Variants in DLGAP4 observed in about 807,000 individuals in gnomAD.
DLGAP4 encodes the protein DLG associated protein 4, also known as disks large-associated protein 4.
Under a neutral mutation model 86.9 loss-of-function variants are expected in DLGAP4, and 18 were observed. The ratio of observed to expected loss-of-function variants is 0.21; its 90% CI spans 0.14 to 0.31. The LOEUF is 0.31. DLGAP4 is among the 10% of genes least tolerant of loss of function. The probability of loss-of-function intolerance (pLI) is 1.00; values close to 1 mark genes in which losing one functional copy is unlikely to be tolerated. For missense variants in DLGAP4, 1,085 were observed against 1,362.6 expected (o/e 0.80, Z 3.21); for synonymous variants, 548 against 574.3 (o/e 0.95, Z 0.65).
intron 1 of DLGAP4, among the ~76,000 whole-genome samples, chr20:36,362,842 G>A (rs551836841): frequency 6.6e-6 from 1 of 152,316 alleles, no homozygotes; most frequent in East Asian, 1.9e-4. Context: ...GGGCTGGGGA[G>A]TGTAGCAGAC....
At chr20:36,483,004 G>A (rs147834659) in intron 7 of DLGAP4, among the ~76,000 whole-genome samples, 178 of 152,262 alleles carry the variant, frequency 1.2e-3, no homozygotes, top group Admixed American at 2.4e-3. Flanking sequence ...CAACAAGATC[G>A]TGATTTAGTA....
intron 2 of DLGAP4, among the ~76,000 whole-genome samples, chr20:36,412,610 A>G (rs2032531536): frequency 6.6e-6 from 1 of 152,172 alleles, no homozygotes; most frequent in Non-Finnish European, 1.5e-5. Flanking sequence ...CGGGACCAAC[A>G]ATGAGACCTC....
At chr20:36,314,948 A>C (rs1277607005) in intron 1 of DLGAP4, among the ~76,000 whole-genome samples, 2 of 83,324 alleles carry the variant, frequency 2.4e-5, no homozygotes, top group Admixed American at 2.5e-4. Context: ...GCTGTGTGTG[A>C]TGTGTGTTTG....
intron 7 of DLGAP4, among the ~76,000 whole-genome samples, chr20:36,490,267 A>G (rs1022053525): frequency 3.3e-5 from 5 of 152,164 alleles, no homozygotes; most frequent in Admixed American, 6.5e-5. Context: ...TGAGAAGGCA[A>G]TGTGTCCCTG....
chr20:36,441,430 A>C (rs2033444522), intron 5 of DLGAP4, among the ~76,000 whole-genome samples: 1 of 152,036 alleles, frequency 6.6e-6, no homozygotes, highest in African/African-American at 2.4e-5. Context: ...GCCTGTGATC[A>C]CTTGTCTAAA....
chr20:36,317,421 TTTC>T (rs2065119771), intron 1 of DLGAP4, among the ~76,000 whole-genome samples: 1 of 114,364 alleles, frequency 8.7e-6, no homozygotes, highest in Non-Finnish European at 1.8e-5. Flanking sequence ...CCTTCTTTCT[TTTC>T]TTTTCTTCTT....
rs1297477214 is a variant in DLGAP4 at position 36,322,803 on chromosome 20, G to A, written c.-304+16291G>A. On this transcript the variant is annotated intron_variant, in intron 1 of 12. Coordinates refer to ENST00000339266, the MANE Select transcript of DLGAP4 (RefSeq NM_001365621.2). Reference sequence around the variant, plus strand: ...TGTAGTATAGCACGTGTTGTAGAGTGTACTAATCTTAAGCAGATAGTATAG... The same window carrying A: ...TGTAGTATAGCACGTGTTGTAGAGTATACTAATCTTAAGCAGATAGTATAG... Among the ~76,000 whole-genome samples the A allele has an allele frequency of 3.3e-5, 5 of 152,144 alleles. No individual in the cohort carries two copies. The South Asian group carries it at 8.3e-4, about 25-fold the overall frequency.
chr20:36,439,833 AGCGACAGCCTCAACGACTCCAGCT>A lies in DLGAP4; in HGVS notation c.1324_1347del (p.Asp442_Cys449del). On this transcript the variant is annotated inframe_deletion, in exon 5 of 13. Transcript: ENST00000339266. ...CTGGGAAGAGGACTACACCCCCGTC[AGCGACAGCCTCAACGACTCCAGCT>A]GCATCAGCCAGGTGAGGGTGGCAGG... is the stretch of plus-strand genomic sequence containing the variant. 1 of 1,613,758 alleles carries A rather than the reference AGCGACAGCCTCAACGACTCCAGCT, an allele frequency of 6.2e-7. No homozygotes were observed. The highest frequency in any genetic ancestry group is 8.5e-7 in the Non-Finnish European group (1 of 1,179,980).
intron 2 of DLGAP4, among the ~76,000 whole-genome samples, chr20:36,413,938 A>G (rs991059296): frequency 6.6e-6 from 1 of 152,166 alleles, no homozygotes; most frequent in Admixed American, 6.5e-5. Flanking sequence ...GCTGACATGC[A>G]TAGGGTCACA....
intron 2 of DLGAP4, among the ~76,000 whole-genome samples, chr20:36,403,876 G>A (rs979810647): frequency 1.3e-5 from 2 of 152,204 alleles, no homozygotes; most frequent in African/African-American, 4.8e-5. Flanking sequence ...AGGGCTGATG[G>A]CAGGAGGCCA....
intron 2 of DLGAP4, among the ~76,000 whole-genome samples, chr20:36,376,480 AT>A (rs1330619613): frequency 6.6e-6 from 1 of 152,070 alleles, no homozygotes; most frequent in African/African-American, 2.4e-5. Flanking sequence ...CAAAATATAT[AT>A]ATAATTTTTT....
chr20:36,378,468 C>T (rs991601793), intron 2 of DLGAP4, among the ~76,000 whole-genome samples: 2 of 152,124 alleles, frequency 1.3e-5, no homozygotes, highest in Non-Finnish European at 2.9e-5. Flanking sequence ...CTTGTCCTTT[C>T]CTACAGCTGT....
intron 2 of DLGAP4, among the ~76,000 whole-genome samples, chr20:36,386,146 C>T (rs2031587938): frequency 6.6e-6 from 1 of 152,206 alleles, no homozygotes; most frequent in Non-Finnish European, 1.5e-5. Context: ...CTCCCCTGAA[C>T]CTTTCAGCAG....
At chr20:36,312,742 C>G (rs1394686618) in intron 1 of DLGAP4, among the ~76,000 whole-genome samples, 1 of 152,044 alleles carries the variant, frequency 6.6e-6, no homozygotes, top group Non-Finnish European at 1.5e-5. Context: ...CTCTGCACCC[C>G]GGGTGCTGGG....
At chr20:36,412,579 C>T (rs1019934834) in intron 2 of DLGAP4, among the ~76,000 whole-genome samples, 1 of 152,216 alleles carries the variant, frequency 6.6e-6, no homozygotes, top group Non-Finnish European at 1.5e-5. Flanking sequence ...CTCTCTATGC[C>T]TCTGTTCTCT....
At chr20:36,441,844 A>G (rs551496134) in intron 5 of DLGAP4, among the ~76,000 whole-genome samples, 21 of 151,108 alleles carry the variant, frequency 1.4e-4, no homozygotes, top group South Asian at 4.2e-4. Context: ...TACACATCCC[A>G]TCTCCACCCC....
At chr20:36,458,290 C>G (rs891523776) in intron 7 of DLGAP4, among the ~76,000 whole-genome samples, 1 of 149,398 alleles carries the variant, frequency 6.7e-6, no homozygotes, top group African/African-American at 2.5e-5. Flanking sequence ...GCAGGCAGAT[C>G]ACCTGAGGTC....
In DLGAP4 at chr20:36,509,859, T is replaced by A. The variant is rs561033928; in HGVS notation, c.2512+9248T>A. Among the ~76,000 whole-genome samples the A allele has an allele frequency of 6.3e-4, 96 of 151,814 alleles. 1 individual carries two copies. The highest frequency in any genetic ancestry group is 2.3e-3 in the African/African-American group (95 of 41,234). ...ATATTTTCTGCCACATTATTGCTTG[T>A]CTTTTTTTTTTTTTGAGACAGAGTT... On this transcript the variant is annotated intron_variant, in intron 10 of 12. Transcript: ENST00000339266.
intron 7 of DLGAP4, among the ~76,000 whole-genome samples, chr20:36,469,097 T>G (rs1025842067): frequency 3.3e-5 from 5 of 152,218 alleles, no homozygotes; most frequent in Non-Finnish European, 7.3e-5. Context: ...AAGAGGAAAC[T>G]GAGGTTCACT....
Sources: gnomAD v4.1 joint callset for allele counts (sites outside exome capture counted in the v4.1 genomes callset) on GRCh38, gnomAD v4.1.1 for gene constraint, MANE v1.5 for transcripts, NCBI Gene and HGNC (gene_info 2026-07-23, HGNC 2026-07-21) for gene names.